Variants in STX8 observed in about 807,000 individuals in gnomAD.
STX8 encodes the protein syntaxin 8, also known as syntaxin-8.
A neutral mutation model predicts 37.5 loss-of-function variants in STX8; 23 were observed. The observed-to-expected ratio is 0.61, with a 90% CI of 0.44 to 0.87. The LOEUF (loss-of-function observed/expected upper bound fraction) is 0.87, where lower values mean the gene tolerates loss of function less well. Among genes scored for constraint, STX8 ranks in the 40% least tolerant of loss-of-function variants. The probability of loss-of-function intolerance (pLI) is 0.00; values close to 1 mark genes in which losing one functional copy is unlikely to be tolerated. For missense variants in STX8, 313 were observed against 284.7 expected (o/e 1.10, Z -0.71); for synonymous variants, 115 against 99.1 (o/e 1.16, Z -0.95).
intron 7 of STX8, among the ~76,000 whole-genome samples, chr17:9,324,120 TCTCTCTCACACA>T (rs1909671987): frequency 1.0e-4 from 14 of 133,752 alleles, no homozygotes; most frequent in African/African-American, 4.0e-4. Flanking sequence ...TCTCTCTCTC[TCTCTCTCACACA>T]CACACACACA....
At chr17:9,323,195 T>C (rs908832830) in intron 7 of STX8, among the ~76,000 whole-genome samples, 3 of 152,314 alleles carry the variant, frequency 2.0e-5, no homozygotes, top group Middle Eastern at 3.4e-3. Flanking sequence ...TAAATCCTTA[T>C]AAATCCTTTG....
Position 9,297,913 on chromosome 17 carries a change from C to A in STX8, c.644-47268G>T, listed in dbSNP as rs563469312. ...CTTCTGAAAGAAGGGCAAGTTGGGA[C>A]CCCACTGTATCTTAAGCGGTGTTCC... On this transcript the variant is annotated intron_variant, in intron 7 of 7. Transcript: ENST00000306357. Among the ~76,000 whole-genome samples, 3 of 152,248 alleles carry A rather than the reference C, an allele frequency of 2.0e-5. No individual in the cohort carries two copies. In the South Asian group the frequency reaches 6.2e-4, roughly 32 times the overall value.
intron 7 of STX8, among the ~76,000 whole-genome samples, chr17:9,289,620 A>AG (rs1908238518): frequency 6.6e-6 from 1 of 151,732 alleles, no homozygotes. Context: ...ACTAAAAAAA[A>AG]AAACAAAAAA....
chr17:9,360,631 CT>C (rs1416871542), intron 7 of STX8, among the ~76,000 whole-genome samples: 1 of 147,666 alleles, frequency 6.8e-6, no homozygotes. Context: ...TCTTAATTCC[CT>C]GTCTGCAAGA....
chr17:9,532,388 T>G (rs575085712), intron 4 of STX8, among the ~76,000 whole-genome samples: 15 of 152,330 alleles, frequency 9.8e-5, no homozygotes, highest in African/African-American at 3.4e-4. Flanking sequence ...TATTATATTA[T>G]AATTCCTGTT....
rs906042028 is a variant in STX8, at chr17:9,562,946, C to T, written c.118-5418G>A. On this transcript the variant is annotated intron_variant, in intron 2 of 7. Transcript: ENST00000306357. ...TTTTAAAGGACAAGGTTATTTACTGCGGTGTTATTCACAACTCAAGACTGG... is the reference window on the plus strand; with the variant it reads ...TTTTAAAGGACAAGGTTATTTACTGTGGTGTTATTCACAACTCAAGACTGG... 5.9e-5 allele frequency among the ~76,000 whole-genome samples: 9 copies of T among 152,130 alleles called. No individual in the cohort carries two copies. In the East Asian group the frequency reaches 7.7e-4, roughly 13 times the overall value.
At chr17:9,326,618 C>G (rs908216092) in intron 7 of STX8, among the ~76,000 whole-genome samples, 1 of 152,190 alleles carries the variant, frequency 6.6e-6, no homozygotes, top group African/African-American at 2.4e-5. Context: ...GGCTGAGAGG[C>G]AGAAAATGGG....
chr17:9,333,935 G>A lies in STX8; in HGVS notation c.643+44617C>T, dbSNP rs1055047569. Among the ~76,000 whole-genome samples, 8 of 152,276 alleles carry A rather than the reference G, an allele frequency of 5.3e-5. No homozygotes were observed. The East Asian group carries it at 5.8e-4, about 11-fold the overall frequency. ...ACAGGGGAATGGCAATAGAGAAACA[G>A]TAATTATCACAGAACCGGCTGAGCA... is the stretch of plus-strand genomic sequence containing the variant. On this transcript the variant is annotated intron_variant, in intron 7 of 7. Transcript: ENST00000306357.
chr17:9,396,641 C>T (rs1185281140), intron 6 of STX8, among the ~76,000 whole-genome samples: 5 of 143,356 alleles, frequency 3.5e-5, no homozygotes, highest in Admixed American at 1.4e-4. Flanking sequence ...ACCCAGGAGG[C>T]GGAGGTTGCA....
At chr17:9,497,875 C>T (rs1860925569) in intron 5 of STX8, among the ~76,000 whole-genome samples, 1 of 152,106 alleles carries the variant, frequency 6.6e-6, no homozygotes, top group South Asian at 2.1e-4. Flanking sequence ...CAATGAATGA[C>T]CACAGAGGGA....
intron 7 of STX8, among the ~76,000 whole-genome samples, chr17:9,253,430 C>T (rs1906667821): frequency 6.6e-6 from 1 of 152,092 alleles, no homozygotes; most frequent in South Asian, 2.1e-4. Flanking sequence ...AGGAGCTTCA[C>T]TAGTTCTTGG....
At chr17:9,271,748 C>CAAAAAAAAA (rs71135959) in intron 7 of STX8, among the ~76,000 whole-genome samples, 3 of 63,470 alleles carry the variant, frequency 4.7e-5, no homozygotes, top group African/African-American at 1.0e-4. Flanking sequence ...GACTCCATCT[C>CAAAAAAAAA]AAAAAAAAAA....
At chr17:9,403,615 C>T (rs953854778) in intron 6 of STX8, among the ~76,000 whole-genome samples, 6 of 151,872 alleles carry the variant, frequency 4.0e-5, no homozygotes, top group African/African-American at 9.7e-5. Flanking sequence ...GTTATGGTGC[C>T]GACACCCAGC....
At chr17:9,480,318 T>C (rs955539767) in intron 6 of STX8, among the ~76,000 whole-genome samples, 3 of 152,174 alleles carry the variant, frequency 2.0e-5, no homozygotes, top group Non-Finnish European at 2.9e-5. Context: ...AGGAAGGAAA[T>C]ATATTATTTT....
At chr17:9,513,274 G>A (rs1905072976) in intron 4 of STX8, among the ~76,000 whole-genome samples, 1 of 139,638 alleles carries the variant, frequency 7.2e-6, no homozygotes, top group African/African-American at 2.7e-5. Context: ...GAGGTGGGAG[G>A]ATTACTTAAG....
At chr17:9,536,548 G>A (rs956521667) in intron 4 of STX8, among the ~76,000 whole-genome samples, 2 of 151,974 alleles carry the variant, frequency 1.3e-5, no homozygotes, top group African/African-American at 4.8e-5. Context: ...GTCAGAGTGG[G>A]TCAGGACAAT....
chr17:9,496,578 C>A (rs1904414827), intron 5 of STX8, among the ~76,000 whole-genome samples: 2 of 152,160 alleles, frequency 1.3e-5, no homozygotes, highest in Non-Finnish European at 2.9e-5. Flanking sequence ...TAATATCCCC[C>A]ATGTTTAAGA....
chr17:9,433,499 C>A (rs1036854396), intron 6 of STX8, among the ~76,000 whole-genome samples: 3 of 152,130 alleles, frequency 2.0e-5, no homozygotes, highest in African/African-American at 7.2e-5. Context: ...TCAAAAACTA[C>A]CTATTGGCCC....
chr17:9,424,905 A>G (rs1567554388), intron 6 of STX8, among the ~76,000 whole-genome samples: 1 of 152,168 alleles, frequency 6.6e-6, no homozygotes, highest in Non-Finnish European at 1.5e-5. Flanking sequence ...AAATTCAGAA[A>G]TAACTATAAA....
Sources: gnomAD v4.1 joint callset for allele counts (sites outside exome capture counted in the v4.1 genomes callset) on GRCh38, gnomAD v4.1.1 for gene constraint, MANE v1.5 for transcripts, NCBI Gene and HGNC (gene_info 2026-07-23, HGNC 2026-07-21) for gene names.